The following DGKB variants were observed in gnomAD, a reference collection of about 807,000 sequenced individuals.
DGKB encodes the protein diacylglycerol kinase beta.
DGKB carries 67 observed loss-of-function variants against 114.3 expected under a neutral mutation model. That is an observed-to-expected ratio of 0.59 (90% CI 0.48 to 0.72). DGKB has a LOEUF of 0.72. Among genes scored for constraint, DGKB ranks in the 30% least tolerant of loss-of-function variants. DGKB has a pLI of 0.00. For missense variants in DGKB, 907 were observed against 975.2 expected (o/e 0.93, Z 0.93); for synonymous variants, 398 against 323.1 (o/e 1.23, Z -2.49).
intron 2 of DGKB, among the ~76,000 whole-genome samples, chr7:14,818,284 TG>T (rs1399858264): frequency 1.3e-5 from 2 of 152,166 alleles, no homozygotes; most frequent in South Asian, 4.1e-4. Context: ...ATAAATAAAA[TG>T]GCTAAGTCAA....
chr7:14,231,341 T>C (rs1791809547), intron 23 of DGKB, among the ~76,000 whole-genome samples: 1 of 151,916 alleles, frequency 6.6e-6, no homozygotes, highest in South Asian at 2.1e-4. Context: ...TCTTACTATG[T>C]TGCCCAGGCT....
In DGKB at chr7:14,581,561, G is replaced by C. The variant is rs543476863; in HGVS notation, c.1520-610C>G. On this transcript the variant is annotated intron_variant, in intron 18 of 25. Coordinates refer to ENST00000402815, the MANE Select transcript of DGKB (RefSeq NM_001350709.2). ...TAATCTTTACATCACATAATGCTTT[G>C]GGTTCAGAGCAGTAAAGATCTCTGC... 5.3e-5 allele frequency among the ~76,000 whole-genome samples: 8 copies of C among 152,174 alleles called. No individual in the cohort carries two copies. The South Asian group carries it at 1.7e-3, about 32-fold the overall frequency.
chr7:14,294,675 C>A (rs948670551), intron 23 of DGKB, among the ~76,000 whole-genome samples: 16 of 152,108 alleles, frequency 1.1e-4, no homozygotes, highest in Middle Eastern at 3.2e-3. Flanking sequence ...GCTTTCTTTT[C>A]TTTTTATAGA....
chr7:14,610,597 T>G (rs1805370443), intron 16 of DGKB, among the ~76,000 whole-genome samples: 1 of 152,046 alleles, frequency 6.6e-6, no homozygotes. Context: ...TATAAACAAA[T>G]TCTTATGATA....
At position 14,314,426 on chromosome 7, in the gene DGKB, G is replaced by C. The variant is rs886214341; in HGVS notation, c.2122+24089C>G. On this transcript the variant is annotated intron_variant, in intron 23 of 25. Coordinates refer to ENST00000402815, the MANE Select transcript of DGKB (RefSeq NM_001350709.2). ...GTATAACTAGAATAACCAATACAGA[G>C]AAGTGCTTAAAGGAGCTGATGGAGC... is the stretch of plus-strand genomic sequence containing the variant. 1.4e-3 allele frequency among the ~76,000 whole-genome samples: 216 copies of C among 151,496 alleles called. 1 individual carries two copies. The highest frequency in any genetic ancestry group is 4.0e-3 in the South Asian group (19 of 4,806).
chr7:14,320,158 G>A (rs1807472110), intron 23 of DGKB, among the ~76,000 whole-genome samples: 1 of 152,122 alleles, frequency 6.6e-6, no homozygotes, highest in Non-Finnish European at 1.5e-5. Flanking sequence ...AGCTGAGGGG[G>A]AGGCGGGGGT....
chr7:14,413,183 C>T (rs551012782), intron 21 of DGKB, among the ~76,000 whole-genome samples: 4 of 151,994 alleles, frequency 2.6e-5, no homozygotes, highest in African/African-American at 9.6e-5. Context: ...ATAATATCAA[C>T]CACACAAGGA....
Position 14,592,901 on chromosome 7 carries a change from G to C in DGKB, c.1434-9764C>G, listed in dbSNP as rs1010046008. 3.3e-5 allele frequency among the ~76,000 whole-genome samples: 5 copies of C among 151,786 alleles called. No individual in the cohort carries two copies. The East Asian group carries it at 9.7e-4, about 29-fold the overall frequency. On this transcript the variant is annotated intron_variant, in intron 17 of 25. Transcript: ENST00000402815. ...GTTCAACAATACATTATAAAATTTA[G>C]TTAAACTAGGAAATGCACCTGTTTC... is the stretch of plus-strand genomic sequence containing the variant.
chr7:14,803,796 T>C (rs1240939878), intron 2 of DGKB, among the ~76,000 whole-genome samples: 1 of 152,104 alleles, frequency 6.6e-6, no homozygotes, highest in Non-Finnish European at 1.5e-5. Context: ...GTGTATACCA[T>C]TTTTCAAGTT....
At chr7:14,761,490 C>G (rs928302749) in intron 2 of DGKB, among the ~76,000 whole-genome samples, 1 of 152,150 alleles carries the variant, frequency 6.6e-6, no homozygotes, top group South Asian at 2.1e-4. Context: ...ACATTCCTAT[C>G]TTTTTTATTG....
chr7:14,963,276 G>A (rs1357198006), intron 1 of DGKB, among the ~76,000 whole-genome samples: 5 of 152,070 alleles, frequency 3.3e-5, no homozygotes, highest in Non-Finnish European at 5.9e-5. Flanking sequence ...CTGAGCTTTG[G>A]AAGGACAAAA....
chr7:14,219,287 G>T (rs1789531849), intron 23 of DGKB, among the ~76,000 whole-genome samples: 1 of 151,820 alleles, frequency 6.6e-6, no homozygotes, highest in African/African-American at 2.4e-5. Flanking sequence ...TCTGACCTAA[G>T]ATTGGAATTG....
At chr7:14,655,394 T>C in intron 13 of DGKB, among the ~76,000 whole-genome samples, 1 of 151,810 alleles carries the variant, frequency 6.6e-6, no homozygotes, top group Non-Finnish European at 1.5e-5. Context: ...TAAGAAATAC[T>C]GGCTAGGATG....
At chr7:14,209,800 T>G (rs2128302312) in intron 23 of DGKB, among the ~76,000 whole-genome samples, 1 of 152,222 alleles carries the variant, frequency 6.6e-6, no homozygotes, top group Middle Eastern at 3.4e-3. Context: ...TTTAGTGGAT[T>G]TGCATGGGGG....
intron 23 of DGKB, among the ~76,000 whole-genome samples, chr7:14,298,169 T>C (rs749292856): frequency 2.6e-5 from 4 of 152,178 alleles, no homozygotes; most frequent in Admixed American, 6.6e-5. Context: ...CCCACCAAGC[T>C]ACCATTGACT....
chr7:14,330,767 T>C (rs1039824309), intron 23 of DGKB, among the ~76,000 whole-genome samples: 11 of 152,042 alleles, frequency 7.2e-5, no homozygotes, highest in African/African-American at 2.4e-4. Flanking sequence ...TAGTTTGTGC[T>C]TTTTAAATTT....
chr7:14,313,451 C>T (rs1200449379), intron 23 of DGKB, among the ~76,000 whole-genome samples: 4 of 152,250 alleles, frequency 2.6e-5, no homozygotes, highest in East Asian at 3.9e-4. Context: ...CGAGGCATTG[C>T]CTCACTCGGG....
chr7:14,233,810 C>A (rs1792299682), intron 23 of DGKB, among the ~76,000 whole-genome samples: 2 of 151,860 alleles, frequency 1.3e-5, no homozygotes, highest in Admixed American at 6.6e-5. Context: ...AAGAGAAGAG[C>A]CACACACTTC....
At chr7:14,591,357 C>T (rs1438567013) in intron 17 of DGKB, among the ~76,000 whole-genome samples, 1 of 152,052 alleles carries the variant, frequency 6.6e-6, no homozygotes, top group African/African-American at 2.4e-5. Context: ...AATTTATTTG[C>T]ACCATTTTAT....
Sources: gnomAD v4.1 joint callset for allele counts (sites outside exome capture counted in the v4.1 genomes callset) on GRCh38, gnomAD v4.1.1 for gene constraint, MANE v1.5 for transcripts, NCBI Gene and HGNC (gene_info 2026-07-23, HGNC 2026-07-21) for gene names.